THSD7B: variants seen among roughly 807,000 people sequenced by gnomAD.
The protein encoded by THSD7B is thrombospondin type-1 domain-containing protein 7B.
A neutral mutation model predicts 213.6 loss-of-function variants in THSD7B; 138 were observed. That is an observed-to-expected ratio of 0.65 (90% confidence interval 0.56 to 0.74). The LOEUF (loss-of-function observed/expected upper bound fraction) is 0.74. THSD7B is among the 30% of genes least tolerant of loss of function. THSD7B has a pLI of 0.00. For missense variants in THSD7B, 1,931 were observed against 1,991.5 expected, an observed-to-expected ratio of 0.97 and a Z score of 0.58; for synonymous variants, 742 against 687.0, an observed-to-expected ratio of 1.08 and a Z score of -1.25.
At chr2:137,206,965 G>A (rs1207714241) in intron 7 of THSD7B, among the ~76,000 whole-genome samples, 1 of 152,048 alleles carries the variant, frequency 6.6e-6, no homozygotes, top group African/African-American at 2.4e-5. Flanking sequence ...CGAAGAAAGG[G>A]TGTAATTGAT....
intron 2 of THSD7B, among the ~76,000 whole-genome samples, chr2:137,038,605 GAAGAT>G (rs1228468053): frequency 6.6e-6 from 1 of 152,218 alleles, no homozygotes; most frequent in Non-Finnish European, 1.5e-5. Flanking sequence ...TTTCTGTGGG[GAAGAT>G]AAGATTAATC....
intron 2 of THSD7B, among the ~76,000 whole-genome samples, chr2:136,889,393 T>C (rs1023535623): frequency 1.3e-5 from 2 of 152,192 alleles, no homozygotes; most frequent in African/African-American, 4.8e-5. Context: ...TATTAGATAG[T>C]TCCTATTGAC....
intron 21 of THSD7B, among the ~76,000 whole-genome samples, chr2:137,646,728 C>A (rs575378556): frequency 3.3e-5 from 5 of 151,152 alleles, no homozygotes; most frequent in Non-Finnish European, 5.9e-5. Context: ...GCTTCCAGAA[C>A]CATGAGCAAT....
chr2:137,081,153 G>A (rs143560043), intron 3 of THSD7B, among the ~76,000 whole-genome samples: 4 of 151,924 alleles, frequency 2.6e-5, no homozygotes, highest in East Asian at 1.9e-4. Flanking sequence ...AAGTTTAATC[G>A]TTTTACTAGT....
chr2:136,937,548 C>T (rs556170784), intron 2 of THSD7B, among the ~76,000 whole-genome samples: 9 of 152,262 alleles, frequency 5.9e-5, no homozygotes, highest in African/African-American at 2.2e-4. Context: ...TATTATTCTT[C>T]AGATTAATTT....
chr2:137,354,476 A>G (rs1394717853), intron 12 of THSD7B, among the ~76,000 whole-genome samples: 1 of 152,120 alleles, frequency 6.6e-6, no homozygotes. Context: ...TTTAATAATC[A>G]TCTATTAAAA....
At chr2:137,550,228 A>G (rs1680819466) in intron 15 of THSD7B, among the ~76,000 whole-genome samples, 1 of 146,846 alleles carries the variant, frequency 6.8e-6, no homozygotes, top group African/African-American at 2.5e-5. Context: ...CAGTCCTGTT[A>G]AAAAAAAAAA....
intron 12 of THSD7B, among the ~76,000 whole-genome samples, chr2:137,400,588 G>C (rs1196561668): frequency 6.6e-6 from 1 of 152,146 alleles, no homozygotes; most frequent in Non-Finnish European, 1.5e-5. Context: ...GGCAGCTGGG[G>C]TGGCATACGC....
intron 15 of THSD7B, among the ~76,000 whole-genome samples, chr2:137,465,410 C>T (rs1334255170): frequency 6.6e-6 from 1 of 152,020 alleles, no homozygotes. Flanking sequence ...ATTTATGACC[C>T]CTGCTCCTCT....
chr2:137,530,294 C>T (rs1469898715), intron 15 of THSD7B, among the ~76,000 whole-genome samples: 16 of 151,884 alleles, frequency 1.1e-4, no homozygotes, highest in Admixed American at 1.1e-3. Flanking sequence ...CATTAGGATG[C>T]CTCATACCTC....
chr2:137,390,621 G>A (rs1207905149), intron 12 of THSD7B, among the ~76,000 whole-genome samples: 1 of 152,116 alleles, frequency 6.6e-6, no homozygotes, highest in African/African-American at 2.4e-5. Context: ...AGTTCTTAGA[G>A]GAAATGTTTT....
intron 12 of THSD7B, among the ~76,000 whole-genome samples, chr2:137,332,920 C>T (rs1684548557): frequency 6.6e-6 from 1 of 152,120 alleles, no homozygotes; most frequent in African/African-American, 2.4e-5. Flanking sequence ...ATAAATTACC[C>T]AGTTTGGGGC....
intron 20 of THSD7B, among the ~76,000 whole-genome samples, chr2:137,633,219 AC>A (rs1682773961): frequency 6.6e-6 from 1 of 152,214 alleles, no homozygotes; most frequent in Non-Finnish European, 1.5e-5. Context: ...TACAGCTTTA[AC>A]CACTTTTTAG....
At chr2:137,390,237 G>C (rs1573999903) in intron 12 of THSD7B, among the ~76,000 whole-genome samples, 1 of 151,908 alleles carries the variant, frequency 6.6e-6, no homozygotes, top group East Asian at 1.9e-4. Flanking sequence ...TTGTTTTATA[G>C]TTTTTCTTAT....
intron 1 of THSD7B, among the ~76,000 whole-genome samples, chr2:136,824,610 C>CT (rs1321261728): frequency 6.6e-6 from 1 of 152,242 alleles, no homozygotes; most frequent in South Asian, 2.1e-4. Context: ...TTTGCAAACT[C>CT]TAACACATGG....
At position 136,864,465 on chromosome 2, in the gene THSD7B, A is replaced by G. The variant is rs555615443; in HGVS notation, c.-35-17679A>G. On this transcript the variant is annotated intron_variant, in intron 1 of 27. Coordinates refer to ENST00000409968, the MANE Select transcript of THSD7B (RefSeq NM_001316349.2). ...TATATGTCTTCCAAAAATTTAATGTATGTATTTTTGCTCATAATTTTCATC... is the reference window on the plus strand; with the variant it reads ...TATATGTCTTCCAAAAATTTAATGTGTGTATTTTTGCTCATAATTTTCATC... 2.5e-4 allele frequency among the ~76,000 whole-genome samples: 38 copies of G among 152,218 alleles called. 1 individual carries two copies. The highest frequency in any genetic ancestry group is 3.7e-4 in the Non-Finnish European group (25 of 68,018).
intron 15 of THSD7B, among the ~76,000 whole-genome samples, chr2:137,534,159 G>A (rs578134318): frequency 7.3e-4 from 110 of 151,226 alleles, no homozygotes; most frequent in African/African-American, 2.5e-3. Flanking sequence ...CTTTGATCTA[G>A]GTTTATTCTT....
intron 10 of THSD7B, among the ~76,000 whole-genome samples, chr2:137,260,139 CAAAAAT>C (rs1201209590): frequency 6.6e-6 from 1 of 151,732 alleles, no homozygotes; most frequent in Non-Finnish European, 1.5e-5. Flanking sequence ...GCAAGGCAAA[CAAAAAT>C]AAAAGGAGAA....
At chr2:137,461,616 G>A (rs112243641) in intron 15 of THSD7B, among the ~76,000 whole-genome samples, 3,086 of 151,732 alleles carry the variant, frequency 0.02, 108 homozygotes, top group African/African-American at 0.07. Flanking sequence ...TCTATTCTTC[G>A]TACAGAAACC....
Sources: gnomAD v4.1 joint callset for allele counts (sites outside exome capture counted in the v4.1 genomes callset) on GRCh38, gnomAD v4.1.1 for gene constraint, MANE v1.5 for transcripts, NCBI Gene and HGNC (gene_info 2026-07-23, HGNC 2026-07-21) for gene names.